BRD4: variants seen among roughly 807,000 people sequenced by gnomAD.
BRD4 encodes bromodomain-containing protein 4.
In BRD4, 16 loss-of-function variants were observed where a neutral mutation model predicts 142.1. The ratio of observed to expected loss-of-function variants is 0.11; its 90% confidence interval spans 0.08 to 0.17. BRD4 has a LOEUF of 0.17. BRD4 is among the 10% of genes least tolerant of loss of function. The probability of loss-of-function intolerance (pLI) is 1.00; values close to 1 mark genes in which losing one functional copy is unlikely to be tolerated. For synonymous variants in BRD4, 833 were observed against 707.5 expected, an observed-to-expected ratio of 1.18 and a Z score of -2.82; for missense variants, 1,424 against 1,810.9, an observed-to-expected ratio of 0.79 and a Z score of 3.88.
At chr19:15,294,625 G>T (rs1046816627) in intron 1 of BRD4, among the ~76,000 whole-genome samples, 3 of 152,218 alleles carry the variant, frequency 2.0e-5, no homozygotes, top group Non-Finnish European at 4.4e-5. Flanking sequence ...AACAGCTCAG[G>T]AGAGGATCGT....
In BRD4 at chr19:15,265,200, G is replaced by A. The variant is rs74741275; in HGVS notation, c.849+154C>T. ...TATGGGACCTTTGAGTCAGTGGGGC[G>A]GCTGTTTCTGGGCTGCAATTTCAAC... is the stretch of plus-strand genomic sequence containing the variant. On this transcript the variant is annotated intron_variant, in intron 5 of 19. Transcript: ENST00000679869. Among the ~76,000 whole-genome samples, 410 of 152,266 alleles carry A rather than the reference G, an allele frequency of 2.7e-3. 4 individuals carry two copies. Among genetic ancestry groups the A allele is most frequent in the East Asian group, 3.3e-3 (17 of 5,178 alleles).
intron 1 of BRD4, among the ~76,000 whole-genome samples, chr19:15,287,205 AT>A (rs111497167): frequency 0.04 from 6,033 of 152,178 alleles, 336 homozygotes; most frequent in African/African-American, 0.12. Flanking sequence ...ATGCAAAAAA[AT>A]GTTTATGCGG....
intron 1 of BRD4, among the ~76,000 whole-genome samples, chr19:15,314,590 G>A (rs768905057): frequency 1.3e-5 from 2 of 152,100 alleles, no homozygotes; most frequent in Non-Finnish European, 2.9e-5. Context: ...TGCATTCCAG[G>A]CTTGCACATC....
chr19:15,288,980 TAAAC>T (rs1188665633), intron 1 of BRD4, among the ~76,000 whole-genome samples: 2 of 152,350 alleles, frequency 1.3e-5, no homozygotes, highest in Non-Finnish European at 1.5e-5. Context: ...ACATGAGAGT[TAAAC>T]AAAGTCAGCT....
At chr19:15,275,003 C>CGT (rs2047630793) in intron 1 of BRD4, among the ~76,000 whole-genome samples, 1 of 151,978 alleles carries the variant, frequency 6.6e-6, no homozygotes. Context: ...GGATTACAGG[C>CGT]GTGTGCCACC....
rs774820266 is a variant in BRD4, at chr19:15,251,349, C to T, written c.2158+2803G>A. Among the ~76,000 whole-genome samples the T allele has an allele frequency of 7.5e-5, 11 of 147,264 alleles. No individual in the cohort carries two copies. The East Asian group carries it at 2.2e-3, about 30-fold the overall frequency. ...CTTCTGGTGATTCATGTCTCAGGGC[C>T]GTTGTCAGCGGAACTAACCCCGTAG... On this transcript the variant is annotated intron_variant, in intron 11 of 19. Transcript: ENST00000679869.
At position 15,255,559 on chromosome 19, in the gene BRD4, G is replaced by A. The variant is rs772749936; in HGVS notation, c.1785C>T (p.Pro595=). 2 of 1,609,656 alleles carry A rather than the reference G, an allele frequency of 1.2e-6. No individual in the cohort carries two copies. Among genetic ancestry groups the A allele is most frequent in the Non-Finnish European group, 1.7e-6 (2 of 1,176,224 alleles). ...CTTCCTCCGACTCATACGTGGGAGG[G>A]GGCTTGCTCTTCATGGGCGCTGGCT... ...KKEPAPMKSK[P]PPTYESEEED... The change falls in exon 10 of 20, where the codon CCC becomes CCT. Residue 595 remains proline, a synonymous_variant. Transcript: ENST00000679869.
At chr19:15,312,800 G>C (rs1447568798) in intron 1 of BRD4, among the ~76,000 whole-genome samples, 1 of 151,488 alleles carries the variant, frequency 6.6e-6, no homozygotes, top group Non-Finnish European at 1.5e-5. Flanking sequence ...CCGGGCGTGG[G>C]GGCGCGTGCC....
chr19:15,317,396 G>GGACTGAT (rs1333024799), intron 1 of BRD4, among the ~76,000 whole-genome samples: 3 of 152,182 alleles, frequency 2.0e-5, no homozygotes, highest in African/African-American at 7.2e-5. Flanking sequence ...CACAGAAACT[G>GGACTGAT]GACTGATGGA....
chr19:15,281,062 A>C (rs906239504), intron 1 of BRD4, among the ~76,000 whole-genome samples: 1 of 152,242 alleles, frequency 6.6e-6, no homozygotes, highest in African/African-American at 2.4e-5. Context: ...GGGGAAGCAC[A>C]AATAGGATTA....
intron 1 of BRD4, among the ~76,000 whole-genome samples, chr19:15,298,973 A>G (rs536797303): frequency 2.6e-3 from 392 of 152,300 alleles, no homozygotes; most frequent in Non-Finnish European, 4.9e-3. Flanking sequence ...CAGGTGTAGC[A>G]ACAACCCTCT....
chr19:15,320,083 G>A (rs113364824), intron 1 of BRD4, among the ~76,000 whole-genome samples: 2,022 of 152,210 alleles, frequency 0.013, 33 homozygotes, highest in Non-Finnish European at 0.021. Flanking sequence ...TTTGTGGAGA[G>A]AGGATCCAAA....
chr19:15,246,017 C>T (rs547584142), intron 11 of BRD4, among the ~76,000 whole-genome samples: 3 of 152,324 alleles, frequency 2.0e-5, no homozygotes, highest in Admixed American at 6.5e-5. Flanking sequence ...CCTGTAAGAG[C>T]TCACCACTCC....
Position 15,242,907 on chromosome 19 carries a change from G to A in BRD4, c.3162C>T (p.Tyr1054=), listed in dbSNP as rs751099105. Residue 1054 remains tyrosine, a synonymous_variant, in exon 14 of 20, where the codon TAC becomes TAT. Transcript: ENST00000679869. ...CGGGTGAGGACCACTTACCGGTTGA[G>A]TAGGGGTCCGACTTGTGGTGCCGGG... ...HSPRHHKSDP[Y]STGHLREAPS... is the part of the protein sequence containing the mutation. 37 of 1,606,410 alleles carry A rather than the reference G, an allele frequency of 2.3e-5. No homozygotes were observed. The highest frequency in any genetic ancestry group is 1.7e-4 in the Middle Eastern group (1 of 6,050).
chr19:15,308,115 C>CAAAAA (rs57642262), intron 1 of BRD4, among the ~76,000 whole-genome samples: 4 of 21,184 alleles, frequency 1.9e-4, no homozygotes, highest in African/African-American at 1.1e-3. Flanking sequence ...GACTCCGTCT[C>CAAAAA]AAAAAAAAAA....
At chr19:15,322,993 T>G (rs908023410) in intron 1 of BRD4, among the ~76,000 whole-genome samples, 1 of 151,416 alleles carries the variant, frequency 6.6e-6, no homozygotes, top group African/African-American at 2.4e-5. Flanking sequence ...GAGCTTTCAG[T>G]GAGCTGAAAT....
rs1205696471 is a variant in BRD4 at position 15,256,168 on chromosome 19, T to C, written c.1647A>G (p.Glu549=). The C allele has an allele frequency of 1.2e-6, 2 of 1,612,702 alleles. No individual in the cohort carries two copies. Among genetic ancestry groups the C allele is most frequent in the South Asian group, 2.2e-5 (2 of 91,012 alleles). ...KEKDKKEKKK[E]KHKRKEEVEE... ...CCACTTCCTCTTTCCTTTTGTGCTT[T>C]TCTTTTTTCTTTTCCTTCTTGTCTT... is the stretch of plus-strand genomic sequence containing the variant. Residue 549 remains glutamate, a synonymous_variant, in exon 9 of 20, where the codon GAA becomes GAG. Transcript: ENST00000679869.
intron 7 of BRD4, among the ~76,000 whole-genome samples, chr19:15,263,088 C>T (rs1434711055): frequency 6.6e-6 from 1 of 152,160 alleles, no homozygotes; most frequent in Non-Finnish European, 1.5e-5. Flanking sequence ...AGCGACTTCT[C>T]GGCAAGAGTG....
Position 15,265,660 on chromosome 19 carries a change from G to C in BRD4, c.560-17C>G, listed in dbSNP as rs2145604638. On this transcript the variant is annotated splice_polypyrimidine_tract_variant and intron_variant, in intron 4 of 19. Coordinates refer to ENST00000679869, the MANE Select transcript of BRD4 (RefSeq NM_001379291.1). ...TTGCTGTCCCTACAAATCATAATAA[G>C]ACGGCGAGTTAGAGACCATGCTGAC... is the stretch of plus-strand genomic sequence containing the variant. The C allele has an allele frequency of 6.2e-7, 1 of 1,614,030 alleles. No homozygotes were observed. Among genetic ancestry groups the C allele is most frequent in the Non-Finnish European group, 8.5e-7 (1 of 1,179,960 alleles).
Sources: gnomAD v4.1 joint callset for allele counts (sites outside exome capture counted in the v4.1 genomes callset) on GRCh38, gnomAD v4.1.1 for gene constraint, MANE v1.5 for transcripts, NCBI Gene and HGNC (gene_info 2026-07-23, HGNC 2026-07-21) for gene names.